RAB7A: variants seen among roughly 807,000 people sequenced by gnomAD.
RAB7A encodes ras-related protein Rab-7a.
Under a neutral mutation model 24.5 loss-of-function variants are expected in RAB7A, and 2 were observed. The observed-to-expected ratio is 0.08, with a 90% CI of 0.03 to 0.26. The LOEUF (loss-of-function observed/expected upper bound fraction) is 0.26. Ranked by LOEUF, RAB7A falls within the 10% of genes least tolerant of loss-of-function variation. The pLI, the probability that RAB7A is intolerant of heterozygous loss-of-function variation, is 1.00. For missense variants in RAB7A, 118 were observed against 255.7 expected, an observed-to-expected ratio of 0.46 and a Z score of 3.67; for synonymous variants, 100 against 95.9, an observed-to-expected ratio of 1.04 and a Z score of -0.25.
chr3:128,758,312 G>A (rs1225676189), intron 1 of RAB7A, among the ~76,000 whole-genome samples: 6 of 140,128 alleles, frequency 4.3e-5, no homozygotes, highest in East Asian at 2.1e-4. Context: ...TGGCTCTGTC[G>A]CCCAGGCTGG....
chr3:128,767,130 G>A (rs1214883398), intron 1 of RAB7A, among the ~76,000 whole-genome samples: 1 of 152,156 alleles, frequency 6.6e-6, no homozygotes, highest in Non-Finnish European at 1.5e-5. Context: ...ATTCAGATTT[G>A]ACTTAAAATC....
chr3:128,787,493 A>C (rs1043061389), intron 1 of RAB7A, among the ~76,000 whole-genome samples: 9 of 152,168 alleles, frequency 5.9e-5, no homozygotes, highest in African/African-American at 2.2e-4. Context: ...GCAAAATGGC[A>C]TGGTAGGACC....
At chr3:128,727,890 T>A (rs9841393) in intron 1 of RAB7A, among the ~76,000 whole-genome samples, 8,267 of 152,212 alleles carry the variant, frequency 0.054, 647 homozygotes, top group African/African-American at 0.17. Context: ...TAGGAGTACT[T>A]CTTCTGAAGA....
At chr3:128,778,689 A>G (rs1052399372) in intron 1 of RAB7A, among the ~76,000 whole-genome samples, 2 of 152,238 alleles carry the variant, frequency 1.3e-5, no homozygotes, top group African/African-American at 4.8e-5. Flanking sequence ...AACTTGTTTT[A>G]GTAATGGATA....
At chr3:128,789,617 G>C (rs1484548589) in intron 1 of RAB7A, among the ~76,000 whole-genome samples, 1 of 152,104 alleles carries the variant, frequency 6.6e-6, no homozygotes, top group Non-Finnish European at 1.5e-5. Context: ...ACAGGCATGA[G>C]TCACCCATGC....
Position 128,811,710 on chromosome 3 carries a change from G to T in RAB7A, c.529-1617G>T, listed in dbSNP as rs116094850. Among the ~76,000 whole-genome samples, 341 of 152,212 alleles carry T rather than the reference G, an allele frequency of 2.2e-3. 1 individual carries two copies. Among genetic ancestry groups the T allele is most frequent in the South Asian group, 0.013 (62 of 4,826 alleles). ...ACTAAAAATTAAAAATTAGCTAGGT[G>T]TGGTGGCATGAGCTTATAGTTCCAG... On this transcript the variant is annotated intron_variant, in intron 5 of 5. Transcript: ENST00000265062.
At chr3:128,780,791 T>TA (rs1277084474) in intron 1 of RAB7A, among the ~76,000 whole-genome samples, 1 of 152,234 alleles carries the variant, frequency 6.6e-6, no homozygotes, top group Non-Finnish European at 1.5e-5. Flanking sequence ...CCCATGTGCC[T>TA]ATGTGGTCAC....
chr3:128,808,358 T>TA (rs1053070925), intron 5 of RAB7A, among the ~76,000 whole-genome samples: 10 of 151,916 alleles, frequency 6.6e-5, no homozygotes, highest in East Asian at 1.9e-4. Flanking sequence ...GGACTCTGTC[T>TA]AAAAAAAATT....
intron 1 of RAB7A, among the ~76,000 whole-genome samples, chr3:128,727,569 A>G (rs4384970): frequency 6.6e-6 from 1 of 152,046 alleles, no homozygotes; most frequent in South Asian, 2.1e-4. Flanking sequence ...CCGAATTAGG[A>G]GCTCTTGAAT....
intron 1 of RAB7A, among the ~76,000 whole-genome samples, chr3:128,794,733 AT>A (rs1933530911): frequency 6.6e-6 from 1 of 152,078 alleles, no homozygotes; most frequent in African/African-American, 2.4e-5. Flanking sequence ...TGCCTGAAAG[AT>A]TTTCTGGAAA....
intron 1 of RAB7A, among the ~76,000 whole-genome samples, chr3:128,749,769 T>C (rs1377348108): frequency 6.6e-6 from 1 of 152,216 alleles, no homozygotes; most frequent in East Asian, 1.9e-4. Flanking sequence ...CTCCTTGCCT[T>C]CTGCCGTGAT....
At chr3:128,797,602 A>G (rs1174072746) in intron 2 of RAB7A, among the ~76,000 whole-genome samples, 1 of 152,226 alleles carries the variant, frequency 6.6e-6, no homozygotes, top group Non-Finnish European at 1.5e-5. Flanking sequence ...ATAGCAGAAC[A>G]GTCTTAATAG....
chr3:128,802,094 G>C (rs952985171), intron 3 of RAB7A, among the ~76,000 whole-genome samples: 1 of 152,212 alleles, frequency 6.6e-6, no homozygotes, highest in Non-Finnish European at 1.5e-5. Context: ...ACTCCAGGCA[G>C]AAAGTGATTT....
intron 3 of RAB7A, among the ~76,000 whole-genome samples, chr3:128,805,551 T>G (rs1933785900): frequency 6.6e-6 from 1 of 152,238 alleles, no homozygotes; most frequent in Non-Finnish European, 1.5e-5. Flanking sequence ...CTCATTGTCT[T>G]TCTCTTGATC....
chr3:128,761,794 CAT>C (rs1226663280), intron 1 of RAB7A, among the ~76,000 whole-genome samples: 1 of 152,188 alleles, frequency 6.6e-6, no homozygotes, highest in Non-Finnish European at 1.5e-5. Context: ...ATTTAATTAA[CAT>C]ATTGAAATAG....
intron 5 of RAB7A, among the ~76,000 whole-genome samples, chr3:128,812,058 G>A (rs550363853): frequency 2.0e-5 from 3 of 152,192 alleles, no homozygotes; most frequent in African/African-American, 7.2e-5. Flanking sequence ...GGTGATGAGA[G>A]TATTTTAAAC....
intron 1 of RAB7A, chr3:128,748,564 A>G (rs1234545722): frequency 6.6e-6 from 1 of 152,218 alleles, no homozygotes; most frequent in Non-Finnish European, 1.5e-5. Flanking sequence ...GTATGTGGCC[A>G]TGGTGTAGTC....
intron 1 of RAB7A, among the ~76,000 whole-genome samples, chr3:128,768,351 C>T (rs1387223976): frequency 2.0e-5 from 3 of 152,100 alleles, no homozygotes; most frequent in Non-Finnish European, 2.9e-5. Context: ...GGTTGATTCA[C>T]GTTTCTGGCT....
intron 1 of RAB7A, among the ~76,000 whole-genome samples, chr3:128,732,125 C>A (rs377471047): frequency 1.3e-5 from 2 of 150,510 alleles, no homozygotes; most frequent in African/African-American, 4.9e-5. Context: ...CTGCAACCTC[C>A]GCCTCTCGGG....
Sources: gnomAD v4.1 joint callset for allele counts (sites outside exome capture counted in the v4.1 genomes callset) on GRCh38, gnomAD v4.1.1 for gene constraint, MANE v1.5 for transcripts, NCBI Gene and HGNC (gene_info 2026-07-23, HGNC 2026-07-21) for gene names.